The following STX17 variants were observed in gnomAD, a reference collection of about 807,000 sequenced individuals.
STX17 encodes syntaxin-17.
Under a neutral mutation model 35.9 loss-of-function variants are expected in STX17, and 29 were observed. The ratio of observed to expected loss-of-function variants is 0.81; its 90% CI spans 0.60 to 1.10. The LOEUF is 1.10. Ranked by LOEUF, STX17 falls within the 50% of genes least tolerant of loss-of-function variation. The probability of loss-of-function intolerance (pLI) is 0.00; values close to 1 mark genes in which losing one functional copy is unlikely to be tolerated. For missense variants in STX17, 312 were observed against 352.3 expected (o/e 0.89, Z 0.92); for synonymous variants, 92 against 118.3 (o/e 0.78, Z 1.44).
At chr9:99,909,287 A>C (rs151283349) in intron 1 of STX17, among the ~76,000 whole-genome samples, 15 of 152,338 alleles carry the variant, frequency 9.8e-5, no homozygotes, top group Non-Finnish European at 2.1e-4. Flanking sequence ...TTTTGGAGGG[A>C]AAGAGTCTAA....
At chr9:99,907,866 T>C (rs1174112057) in intron 1 of STX17, among the ~76,000 whole-genome samples, 6 of 152,198 alleles carry the variant, frequency 3.9e-5, no homozygotes, top group Admixed American at 1.3e-4. Context: ...TAGGATCCAC[T>C]CTAAGACCCG....
chr9:99,940,068 A>G (rs1564066870), intron 3 of STX17, among the ~76,000 whole-genome samples: 1 of 152,184 alleles, frequency 6.6e-6, no homozygotes, highest in Non-Finnish European at 1.5e-5. Context: ...CACACCTTAC[A>G]CAACAACCAT....
At chr9:99,962,489 G>A (rs926488944) in intron 6 of STX17, among the ~76,000 whole-genome samples, 6 of 152,160 alleles carry the variant, frequency 3.9e-5, no homozygotes, top group Non-Finnish European at 5.9e-5. Flanking sequence ...CATAAAATGT[G>A]TTTTAATATA....
rs1161895414 is a variant in STX17, at chr9:99,972,073, T to TA, written c.*3406dup. ...CACATTCCATTCATTTGCATCTTTT[T>TA]AAAAAACTTCTGATTCCTTACTGAG... On this transcript the variant is annotated 3_prime_UTR_variant, in exon 8 of 8. Transcript: ENST00000259400. Among the ~76,000 whole-genome samples, 1 of 152,208 alleles carries TA rather than the reference T, an allele frequency of 6.6e-6. No individual in the cohort carries two copies.
At position 99,972,405 on chromosome 9, in the gene STX17, A is replaced by G. The variant is rs532997976; in HGVS notation, c.*3732A>G. ...TGCTAGTATTAATATTACTTAGACC[A>G]ATTTTGAAACTGTTCTTTCAGAATT... On this transcript the variant is annotated 3_prime_UTR_variant, in exon 8 of 8. Transcript: ENST00000259400. Among the ~76,000 whole-genome samples, 1 of 152,326 alleles carries G rather than the reference A, an allele frequency of 6.6e-6. No homozygotes were observed. Among genetic ancestry groups the G allele is most frequent in the East Asian group, 1.9e-4 (1 of 5,194 alleles).
At chr9:99,913,972 C>CTTTTTTTTTCT (rs1828709128) in intron 1 of STX17, 1 of 140,358 alleles carries the variant, frequency 7.1e-6, no homozygotes, top group African/African-American at 2.6e-5. Flanking sequence ...CTTTTTTTTT[C>CTTTTTTTTTCT]TTTTTTTTTT....
At chr9:99,937,814 G>A (rs975591737) in intron 3 of STX17, 11 of 152,082 alleles carry the variant, frequency 7.2e-5, no homozygotes, top group Admixed American at 2.6e-4. Flanking sequence ...TTTGGTAGGT[G>A]CTGGATATTT....
chr9:99,911,697 C>G (rs1386911079), intron 1 of STX17, among the ~76,000 whole-genome samples: 1 of 152,016 alleles, frequency 6.6e-6, no homozygotes, highest in Non-Finnish European at 1.5e-5. Context: ...GATCTTCCCA[C>G]CTTGGTGTCA....
chr9:99,912,360 A>T (rs903140272), intron 1 of STX17, among the ~76,000 whole-genome samples: 19 of 152,084 alleles, frequency 1.2e-4, no homozygotes, highest in African/African-American at 4.3e-4. Context: ...CATTTCCCTG[A>T]TGATTAATGA....
Position 99,934,152 on chromosome 9 carries a change from A to G in STX17, c.189+5309A>G, listed in dbSNP as rs967767365. 2.0e-5 allele frequency among the ~76,000 whole-genome samples: 3 copies of G among 152,200 alleles called. No homozygotes were observed. In the East Asian group the frequency reaches 5.8e-4, roughly 29 times the overall value. On this transcript the variant is annotated intron_variant, in intron 3 of 7. Coordinates refer to ENST00000259400, the MANE Select transcript of STX17 (RefSeq NM_017919.3). Reference sequence around the variant, plus strand: ...ATTATCCTCATTTTTCAGATACCAGAAAGCTGAAGAGATTTAGTGTTTGTC... The same window carrying G: ...ATTATCCTCATTTTTCAGATACCAGGAAGCTGAAGAGATTTAGTGTTTGTC...
intron 2 of STX17, among the ~76,000 whole-genome samples, chr9:99,917,850 A>T (rs1828806298): frequency 6.6e-6 from 1 of 152,126 alleles, no homozygotes; most frequent in Admixed American, 6.5e-5. Context: ...GAGGCAGAAA[A>T]CTCAAAAATC....
intron 4 of STX17, among the ~76,000 whole-genome samples, chr9:99,953,026 A>G (rs530047699): frequency 7.2e-5 from 11 of 152,142 alleles, no homozygotes; most frequent in Non-Finnish European, 1.5e-4. Flanking sequence ...TTAAAGTATA[A>G]TAACAATAAA....
chr9:99,933,518 T>C (rs1245860900), intron 3 of STX17, among the ~76,000 whole-genome samples: 1 of 152,164 alleles, frequency 6.6e-6, no homozygotes, highest in South Asian at 2.1e-4. Context: ...CTTTACAATA[T>C]CTAGTTTTCC....
At chr9:99,927,703 C>T (rs1470133505) in intron 2 of STX17, among the ~76,000 whole-genome samples, 1 of 152,152 alleles carries the variant, frequency 6.6e-6, no homozygotes, top group Non-Finnish European at 1.5e-5. Flanking sequence ...TCTCAAACAT[C>T]TGACCTCAGG....
chr9:99,909,778 TG>T (rs1828622784), intron 1 of STX17, among the ~76,000 whole-genome samples: 1 of 152,192 alleles, frequency 6.6e-6, no homozygotes, highest in Non-Finnish European at 1.5e-5. Flanking sequence ...AGAGTATAAC[TG>T]GATTGTTTGC....
At chr9:99,968,321 T>C in intron 7 of STX17, 113 bp from the exon 8 acceptor site, 1 of 1,339,392 alleles carries the variant, frequency 7.5e-7, no homozygotes, top group Non-Finnish European at 1.0e-6. Context: ...TAAGGTTAAT[T>C]ATGTACCAAG....
chr9:99,938,975 A>T lies in STX17; in HGVS notation c.189+10132A>T, dbSNP rs1797188176. On this transcript the variant is annotated intron_variant, in intron 3 of 7. Coordinates refer to ENST00000259400, the MANE Select transcript of STX17 (RefSeq NM_017919.3). ...TAGATCTCAGACCACATTTGGAAAGATACGGCTTTGGAGAAGCTATCCCAG... is the reference window on the plus strand; with the variant it reads ...TAGATCTCAGACCACATTTGGAAAGTTACGGCTTTGGAGAAGCTATCCCAG... 2.0e-5 allele frequency among the ~76,000 whole-genome samples: 3 copies of T among 152,294 alleles called. No individual in the cohort carries two copies. The South Asian group carries it at 6.2e-4, about 32-fold the overall frequency.
chr9:99,921,713 G>A (rs929053123), intron 2 of STX17, among the ~76,000 whole-genome samples: 4 of 151,544 alleles, frequency 2.6e-5, no homozygotes, highest in African/African-American at 9.7e-5. Flanking sequence ...GTCAATATTT[G>A]CAAGTCTTTA....
intron 2 of STX17, among the ~76,000 whole-genome samples, chr9:99,918,257 A>G (rs1367470746): frequency 6.6e-6 from 1 of 152,124 alleles, no homozygotes; most frequent in Non-Finnish European, 1.5e-5. Context: ...AGCTTCCTGA[A>G]TAGCTAAGAC....
Sources: gnomAD v4.1 joint callset for allele counts (sites outside exome capture counted in the v4.1 genomes callset) on GRCh38, gnomAD v4.1.1 for gene constraint, MANE v1.5 for transcripts, NCBI Gene and HGNC (gene_info 2026-07-23, HGNC 2026-07-21) for gene names.